Variants in NRM observed in about 807,000 individuals in gnomAD.
NRM encodes the protein nuclear rim protein.
A neutral mutation model predicts 23.4 loss-of-function variants in NRM; 19 were observed. The ratio of observed to expected loss-of-function variants is 0.81; its 90% CI spans 0.57 to 1.19. The LOEUF (loss-of-function observed/expected upper bound fraction) is 1.19, where lower values mean the gene tolerates loss of function less well. Ranked by LOEUF, NRM falls within the 50% of genes most tolerant of loss-of-function variation. The probability of loss-of-function intolerance (pLI) is 0.00; values close to 1 mark genes in which losing one functional copy is unlikely to be tolerated. For synonymous variants in NRM, 140 were observed against 143.5 expected (o/e 0.98, Z 0.17); for missense variants, 232 against 329.7 (o/e 0.70, Z 2.30).
Position 30,690,487 on chromosome 6 carries a change from C to T in NRM, c.134-244G>A. 8 of 1,443,462 alleles carry T rather than the reference C, an allele frequency of 5.5e-6. No homozygotes were observed. The South Asian group carries it at 1.1e-4, about 19-fold the overall frequency. The allele number at this position is 1,443,462 out of a possible 1,614,324, so 89.4% of individuals were successfully genotyped here. On this transcript the variant is annotated intron_variant, in intron 1 of 3. Transcript: ENST00000376421. The surrounding 1 kb of genome is among the most constrained non-coding windows in gnomAD (Gnocchi z 5.5). Reference sequence around the variant, plus strand: ...CCACATGTTAGGCAGTTGCAAAAAGCATGGCTGGAGAGGCCACGCTGGATT... The same window carrying T: ...CCACATGTTAGGCAGTTGCAAAAAGTATGGCTGGAGAGGCCACGCTGGATT...
In NRM at chr6:30,690,747, C is replaced by CT; in HGVS notation, c.133+94dup. ...CAAGGTTCGAGTTCCCTCTCTTGGA[C>CT]TTCCCCTGTCATTTGTTTCCAAGCC... On this transcript the variant is annotated intron_variant, in intron 1 of 3. Transcript: ENST00000376421. The surrounding 1 kb of genome is among the most constrained non-coding windows in gnomAD (Gnocchi z 5.5). The CT allele has an allele frequency of 6.2e-7, 1 of 1,611,584 alleles. No homozygotes were observed. The highest frequency in any genetic ancestry group is 1.1e-5 in the South Asian group (1 of 90,688).
Position 30,689,346 on chromosome 6 carries a change from A to C in NRM, c.437T>G (p.Val146Gly). Residue 146 changes from valine to glycine, a missense_variant, in exon 3 of 4, where the codon GTC (valine) becomes GGC (glycine). By Grantham distance (109) the Val-to-Gly change is moderately radical. Coordinates refer to ENST00000376421, the MANE Select transcript of NRM (RefSeq NM_001384369.1). The surrounding 1 kb of genome is among the most constrained non-coding windows in gnomAD (Gnocchi z 4.7). ...GCTAAAGATGAGGAGCCAGGAGATG[A>C]CATGGAGCACAAAGCAGAGGAGCGG... is the stretch of plus-strand genomic sequence containing the variant. Reference protein sequence around the residue: ...WVPLLCFVLHVISWLLIFSIL... With the variant: ...WVPLLCFVLHGISWLLIFSIL... The C allele has an allele frequency of 6.4e-7, 1 of 1,557,316 alleles. No homozygotes were observed. The highest frequency in any genetic ancestry group is 8.7e-7 in the Non-Finnish European group (1 of 1,150,048).
Position 30,690,299 on chromosome 6 carries a change from C to G in NRM, c.134-56G>C. ...AGATCGAAACAGTGGCAGAATGTTT[C>G]CCCCACCCTCATCTCCTCTTGGATC... On this transcript the variant is annotated intron_variant, in intron 1 of 3. Coordinates refer to ENST00000376421, the MANE Select transcript of NRM (RefSeq NM_001384369.1). This position sits in a 1 kb window ranked among gnomAD's most constrained non-coding sequence, Gnocchi z 5.5. 1 of 1,436,222 alleles carries G rather than the reference C, an allele frequency of 7.0e-7. No individual in the cohort carries two copies. The highest frequency in any genetic ancestry group is 9.4e-7 in the Non-Finnish European group (1 of 1,065,320). 89.0% of individuals were successfully genotyped at this position (1,436,222 alleles called of 1,614,324 possible).
upstream of NRM, chr6:30,691,077 G>A (rs1771608720): frequency 1.5e-6 from 2 of 1,358,106 alleles, no homozygotes; most frequent in Non-Finnish European, 2.0e-6. Context: ...CAGGAGGGCG[G>A]GGCTCCTGCA....
chr6:30,690,413 C>A lies in NRM; in HGVS notation c.134-170G>T. On this transcript the variant is annotated intron_variant, in intron 1 of 3. Coordinates refer to ENST00000376421, the MANE Select transcript of NRM (RefSeq NM_001384369.1). This position sits in a 1 kb window ranked among gnomAD's most constrained non-coding sequence, Gnocchi z 5.5. ...TCACTTTTCCATCCCTAGTTTCTGC[C>A]CTCTTCCCTAGGCCTCCTGCAAACC... The A allele has an allele frequency of 2.8e-6, 3 of 1,084,294 alleles. No homozygotes were observed. The highest frequency in any genetic ancestry group is 2.6e-6 in the Non-Finnish European group (2 of 771,842). The allele number at this position is 1,084,294 out of a possible 1,614,324, so 67.2% of individuals were successfully genotyped here. A position where few individuals can be genotyped will look rare whatever the true frequency, so the allele number is the denominator to read the frequency against.
rs1289103622 is a variant in NRM, at chr6:30,688,355, CA to C, written c.*305del. 6 of 483,994 alleles carry C rather than the reference CA, an allele frequency of 1.2e-5. 1 individual carries two copies. The East Asian group carries it at 1.5e-4, about 12-fold the overall frequency. 30.0% of individuals were successfully genotyped at this position (483,994 alleles called of 1,614,324 possible). A position where few individuals can be genotyped will look rare whatever the true frequency, so the allele number is the denominator to read the frequency against. On this transcript the variant is annotated 3_prime_UTR_variant, in exon 4 of 4. Coordinates refer to ENST00000376421, the MANE Select transcript of NRM (RefSeq NM_001384369.1). This position sits in a 1 kb window ranked among gnomAD's most constrained non-coding sequence, Gnocchi z 5.9. ...AACAGTGCCAGGGGAGTGGTCAGGG[CA>C]GATCCTTTCCTTCTCAGGAGGCTGT...
Sources: allele counts gnomAD v4.1 joint callset, GRCh38; gene constraint gnomAD v4.1.1; non-coding constraint Gnocchi (gnomAD v3.1); transcripts MANE v1.5; gene names NCBI Gene and HGNC (gene_info 2026-07-23, HGNC 2026-07-21).